The following PEBP4 variants were observed in gnomAD, a reference collection of about 807,000 sequenced individuals.
PEBP4 encodes phosphatidylethanolamine-binding protein 4.
In PEBP4, 22 loss-of-function variants were observed where a neutral mutation model predicts 23.9. The ratio of observed to expected loss-of-function variants is 0.92; its 90% CI spans 0.66 to 1.31. The LOEUF is 1.31. Among genes scored for constraint, PEBP4 ranks in the 40% most tolerant of loss-of-function variants. PEBP4 has a pLI of 0.00. For synonymous variants in PEBP4, 112 were observed against 99.3 expected (o/e 1.13, Z -0.76); for missense variants, 324 against 281.7 (o/e 1.15, Z -1.07).
chr8:22,889,150 G>A (rs1808443056), intron 3 of PEBP4, among the ~76,000 whole-genome samples: 1 of 152,204 alleles, frequency 6.6e-6, no homozygotes, highest in Admixed American at 6.5e-5. Flanking sequence ...GGACTCAAAA[G>A]ACCTGGGTTT....
At chr8:22,855,239 G>A (rs1436380568) in intron 3 of PEBP4, among the ~76,000 whole-genome samples, 1 of 152,166 alleles carries the variant, frequency 6.6e-6, no homozygotes, top group African/African-American at 2.4e-5. Context: ...CCTGCATGGG[G>A]TGAATGTGTC....
intron 3 of PEBP4, among the ~76,000 whole-genome samples, chr8:22,848,286 T>C (rs1807481467): frequency 6.6e-6 from 1 of 152,148 alleles, no homozygotes; most frequent in Non-Finnish European, 1.5e-5. Context: ...CAACTCATTA[T>C]CCAAGGGAGT....
At chr8:22,728,580 C>A (rs1008881264) in intron 4 of PEBP4, among the ~76,000 whole-genome samples, 109 of 134,118 alleles carry the variant, frequency 8.1e-4, no homozygotes, top group African/African-American at 3.0e-3. Context: ...TCCTTCCTTC[C>A]TTCCTTCCTT....
chr8:22,747,450 G>A (rs539443225), intron 4 of PEBP4: 2 of 152,364 alleles, frequency 1.3e-5, no homozygotes, highest in African/African-American at 4.8e-5. Flanking sequence ...CCAGATCTGT[G>A]GGTCTCTGTG....
intron 2 of PEBP4, among the ~76,000 whole-genome samples, chr8:22,925,563 G>GCA (rs1180071632): frequency 2.6e-5 from 4 of 152,184 alleles, no homozygotes; most frequent in Non-Finnish European, 5.9e-5. Flanking sequence ...AGAGCACCTG[G>GCA]CACACAGAAG....
At chr8:22,829,209 T>A (rs1389455810) in intron 3 of PEBP4, among the ~76,000 whole-genome samples, 4 of 152,226 alleles carry the variant, frequency 2.6e-5, no homozygotes, top group African/African-American at 9.6e-5. Context: ...AGCTTTCCTT[T>A]ACTTCCATGT....
At chr8:22,715,768 C>T (rs981480598) in intron 6 of PEBP4, among the ~76,000 whole-genome samples, 2 of 152,228 alleles carry the variant, frequency 1.3e-5, no homozygotes, top group African/African-American at 4.8e-5. Flanking sequence ...TTGCTGCCTC[C>T]TTTCCTGGCT....
At chr8:22,743,777 G>A (rs1198100857) in intron 4 of PEBP4, among the ~76,000 whole-genome samples, 6 of 152,186 alleles carry the variant, frequency 3.9e-5, no homozygotes, top group Non-Finnish European at 7.3e-5. Context: ...GCAGCACCAC[G>A]CCCCTTTCCT....
At chr8:22,836,938 T>C (rs1807217286) in intron 3 of PEBP4, among the ~76,000 whole-genome samples, 1 of 151,384 alleles carries the variant, frequency 6.6e-6, no homozygotes, top group Admixed American at 6.6e-5. Flanking sequence ...GTTTCTTTAG[T>C]AAAGTAGCAA....
chr8:22,874,319 CATT>C (rs1221822834), intron 3 of PEBP4, among the ~76,000 whole-genome samples: 4 of 152,180 alleles, frequency 2.6e-5, no homozygotes, highest in Non-Finnish European at 2.9e-5. Flanking sequence ...GGGGATTCAT[CATT>C]GACACTCAAA....
intron 4 of PEBP4, among the ~76,000 whole-genome samples, chr8:22,816,161 C>T (rs1415255039): frequency 6.6e-6 from 1 of 152,222 alleles, no homozygotes. Flanking sequence ...TCTCCCCTTC[C>T]TGATGGCTCA....
At chr8:22,916,226 C>T (rs776755302) in intron 3 of PEBP4, among the ~76,000 whole-genome samples, 12 of 152,172 alleles carry the variant, frequency 7.9e-5, no homozygotes, top group African/African-American at 2.2e-4. Context: ...TTCCAGCTGG[C>T]GAAATTTAAG....
chr8:22,889,647 A>G (rs905836257), intron 3 of PEBP4, among the ~76,000 whole-genome samples: 1 of 151,920 alleles, frequency 6.6e-6, no homozygotes, highest in Non-Finnish European at 1.5e-5. Flanking sequence ...ACCTCTATCA[A>G]TAGCATCTAC....
intron 1 of PEBP4, among the ~76,000 whole-genome samples, chr8:22,940,500 TTTTTTC>T (rs1809596802): frequency 1.4e-5 from 2 of 142,740 alleles, no homozygotes; most frequent in Admixed American, 7.0e-5. Context: ...CTTTTTTTTT[TTTTTTC>T]GAGACGGAGT....
rs185372125 is a variant in PEBP4, at chr8:22,739,934, G to A, written c.358-12714C>T. 7.2e-4 allele frequency among the ~76,000 whole-genome samples: 109 copies of A among 152,356 alleles called. 1 individual carries two copies. Among genetic ancestry groups the A allele is most frequent in the African/African-American group, 2.4e-3 (100 of 41,590 alleles). ...GGGGGAGGGGGTGCCCAACAGCCAA[G>A]AGCCTCGACTGTGGCTCTTTGGGGA... is the stretch of plus-strand genomic sequence containing the variant. On this transcript the variant is annotated intron_variant, in intron 4 of 6. Coordinates refer to ENST00000256404, the MANE Select transcript of PEBP4 (RefSeq NM_144962.3).
intron 3 of PEBP4, among the ~76,000 whole-genome samples, chr8:22,850,244 G>A (rs756957595): frequency 4.6e-5 from 7 of 152,290 alleles, no homozygotes; most frequent in Non-Finnish European, 1.0e-4. Context: ...TAGGGTCTGA[G>A]TTGATGAGAC....
chr8:22,745,278 G>A (rs1418030747), intron 4 of PEBP4, among the ~76,000 whole-genome samples: 1 of 152,194 alleles, frequency 6.6e-6, no homozygotes. Context: ...GTGCACTGTG[G>A]TGGGGAGGTG....
At chr8:22,737,017 G>T (rs1038310768) in intron 4 of PEBP4, among the ~76,000 whole-genome samples, 1 of 152,214 alleles carries the variant, frequency 6.6e-6, no homozygotes, top group Non-Finnish European at 1.5e-5. Flanking sequence ...ATAAAGGCCG[G>T]GCATGGTGGC....
At chr8:22,743,432 C>T (rs1413611331) in intron 4 of PEBP4, among the ~76,000 whole-genome samples, 1 of 152,200 alleles carries the variant, frequency 6.6e-6, no homozygotes, top group African/African-American at 2.4e-5. Flanking sequence ...GGCCCTCGGC[C>T]CTCATTTTAT....
Sources: allele counts gnomAD v4.1 joint callset (sites outside exome capture counted in the v4.1 genomes callset), GRCh38; gene constraint gnomAD v4.1.1; transcripts MANE v1.5; gene names NCBI Gene and HGNC (gene_info 2026-07-23, HGNC 2026-07-21).